EARS2: variants seen among roughly 807,000 people sequenced by gnomAD.
The protein encoded by EARS2 is glutamyl-tRNA synthetase 2, mitochondrial.
Under a neutral mutation model 54.1 loss-of-function variants are expected in EARS2, and 50 were observed. That is an observed-to-expected ratio of 0.92 (90% confidence interval 0.74 to 1.17). The LOEUF is 1.17. Among genes scored for constraint, EARS2 ranks in the 50% most tolerant of loss-of-function variants. The probability of loss-of-function intolerance (pLI) is 0.00; values close to 1 mark genes in which losing one functional copy is unlikely to be tolerated. For synonymous variants in EARS2, 298 were observed against 281.0 expected, an observed-to-expected ratio of 1.06 and a Z score of -0.61; for missense variants, 673 against 675.0, an observed-to-expected ratio of 1.00 and a Z score of 0.03.
At chr16:23,528,031 C>G (rs1004093798) in intron 7 of EARS2, among the ~76,000 whole-genome samples, 2 of 152,124 alleles carry the variant, frequency 1.3e-5, no homozygotes, top group African/African-American at 2.4e-5. Context: ...AAAAGACACC[C>G]CAGAGAGTCC....
At chr16:23,532,454 T>G (rs923258820) in intron 5 of EARS2, 1 of 443,390 alleles carries the variant, frequency 2.3e-6, no homozygotes, top group African/African-American at 2.0e-5. Context: ...TAATACAAGA[T>G]ACTTTCATAG....
intron 2 of EARS2, among the ~76,000 whole-genome samples, chr16:23,547,249 A>T (rs1423143689): frequency 6.6e-6 from 1 of 152,220 alleles, no homozygotes; most frequent in Non-Finnish European, 1.5e-5. Flanking sequence ...CCAGTCACAG[A>T]AGGCCATATA....
rs763838854 is a variant in EARS2 at position 23,552,206 on chromosome 16, G to T, written c.238C>A (p.Gln80Lys). The T allele has an allele frequency of 2.2e-5, 35 of 1,614,082 alleles. No homozygotes were observed. Among genetic ancestry groups the T allele is most frequent in the Non-Finnish European group, 2.9e-5 (34 of 1,180,046 alleles). The change falls in exon 2 of 9, where the codon CAG becomes AAG. Residue 80 changes from glutamine to lysine, a missense_variant. Physicochemically the swap from Gln to Lys is moderately conservative, Grantham distance 53. Around this residue, in one of 3 missense-constraint regions of EARS2, gnomAD observed 316 missense variants for 275.2 expected, o/e 1.15. Transcript: ENST00000449606. ...GCTGCCCCAGGCACAACGCGAGTCTGATCTGTGTCCTCTAGCCTCAGGATG... is the reference window on the plus strand; with the variant it reads ...GCTGCCCCAGGCACAACGCGAGTCTTATCTGTGTCCTCTAGCCTCAGGATG... Reference protein sequence around the residue: ...SFILRLEDTDQTRVVPGAAEN... With the variant: ...SFILRLEDTDKTRVVPGAAEN...
At chr16:23,554,845 G>T in intron 1 of EARS2, among the ~76,000 whole-genome samples, 1 of 152,094 alleles carries the variant, frequency 6.6e-6, no homozygotes, top group East Asian at 1.9e-4. Flanking sequence ...TCTGTCAGAG[G>T]GATTAAGAGC....
At chr16:23,543,602 G>A (rs1018489751) in intron 3 of EARS2, among the ~76,000 whole-genome samples, 3 of 151,428 alleles carry the variant, frequency 2.0e-5, no homozygotes, top group Non-Finnish European at 4.4e-5. Flanking sequence ...GTGTGGTGGC[G>A]GGCACCTGTA....
chr16:23,540,559 C>A (rs1302233147), intron 3 of EARS2, among the ~76,000 whole-genome samples: 1 of 152,242 alleles, frequency 6.6e-6, no homozygotes, highest in African/African-American at 2.4e-5. Flanking sequence ...AGGTATTCAG[C>A]AAACATACTG....
intron 2 of EARS2, among the ~76,000 whole-genome samples, chr16:23,547,681 T>G (rs970255049): frequency 2.5e-4 from 38 of 152,012 alleles, no homozygotes; most frequent in African/African-American, 8.9e-4. Context: ...ATTTTTGTAT[T>G]TTTATTAGAG....
chr16:23,537,103 G>T, intron 3 of EARS2: 1 of 264,896 alleles, frequency 3.8e-6, no homozygotes, highest in Non-Finnish European at 8.3e-6. Flanking sequence ...TCTTCTGGCA[G>T]GAATTCTGAC....
At position 23,521,318 on chromosome 16, in the gene EARS2, T is replaced by C. The variant is rs1965140283; in HGVS notation, c.*3053A>G. 6.6e-6 allele frequency among the ~76,000 whole-genome samples: 1 copy of C among 152,114 alleles called. No homozygotes were observed. The highest frequency in any genetic ancestry group is 2.4e-5 in the African/African-American group (1 of 41,420). On this transcript the variant is annotated 3_prime_UTR_variant, in exon 9 of 9. Coordinates refer to ENST00000449606, the MANE Select transcript of EARS2 (RefSeq NM_001083614.2). ...CCAAGTCTGACAACCACCATCTTAT[T>C]TTCTGCCTGTATAATTTTGATTATT...
chr16:23,540,475 A>C (rs1567385033), intron 3 of EARS2, among the ~76,000 whole-genome samples: 1 of 152,256 alleles, frequency 6.6e-6, no homozygotes, highest in Non-Finnish European at 1.5e-5. Context: ...ATGGGAGTGT[A>C]AACAAGTAAA....
chr16:23,529,630 A>G lies in EARS2; in HGVS notation c.1224T>C (p.Gly408=). The change falls in exon 7 of 9, where the codon GGT becomes GGC. Residue 408 remains glycine, a splice_region_variant and synonymous_variant. Coordinates refer to ENST00000449606, the MANE Select transcript of EARS2 (RefSeq NM_001083614.2). The stretch of plus-strand genomic sequence containing the variant: ...CCAAGTCCTGCAGGCGGCAAATGTG[A>G]CCCTGGGGAAGGAGGCAGTCATTGA... ...YVERILLLRQ[G]HICRLQDLVS... is the part of the protein sequence containing the mutation. The G allele has an allele frequency of 6.2e-7, 1 of 1,613,928 alleles. No homozygotes were observed. Among genetic ancestry groups the G allele is most frequent in the Non-Finnish European group, 8.5e-7 (1 of 1,179,922 alleles).
At chr16:23,551,161 C>T (rs1295923728) in intron 2 of EARS2, among the ~76,000 whole-genome samples, 2 of 152,240 alleles carry the variant, frequency 1.3e-5, no homozygotes, top group African/African-American at 2.4e-5. Context: ...CCAGCATTCC[C>T]GCATGGGCAC....
intron 7 of EARS2, 48 bp from the exon 8 acceptor site, chr16:23,525,427 G>A (rs762496555): frequency 6.4e-7 from 1 of 1,574,680 alleles, no homozygotes; most frequent in South Asian, 1.2e-5. Flanking sequence ...CCAATGGCAA[G>A]TGGGTGGGAG....
intron 7 of EARS2, among the ~76,000 whole-genome samples, chr16:23,526,042 A>C (rs928351708): frequency 1.3e-5 from 2 of 151,486 alleles, no homozygotes. Flanking sequence ...GCACAAGGCT[A>C]TCGTAGAGAG....
chr16:23,545,855 C>T (rs940279665), intron 2 of EARS2, among the ~76,000 whole-genome samples: 1 of 152,076 alleles, frequency 6.6e-6, no homozygotes, highest in African/African-American at 2.4e-5. Flanking sequence ...GCGAGTCTTG[C>T]TGTGTCACTC....
intron 4 of EARS2, among the ~76,000 whole-genome samples, chr16:23,533,243 C>T (rs1965356081): frequency 6.6e-6 from 1 of 152,096 alleles, no homozygotes; most frequent in South Asian, 2.1e-4. Context: ...AAGATTGTGC[C>T]GTTGCACTCC....
Position 23,521,021 on chromosome 16 carries a change from GC to G in EARS2, c.*3349del, listed in dbSNP as rs1196568078. ...TGGCCAGGCTGGTCTTGAACTCCCG[GC>G]CTCAAGTGATCTGCCTGCCTTGGCC... On this transcript the variant is annotated 3_prime_UTR_variant, in exon 9 of 9. Transcript: ENST00000449606. Among the ~76,000 whole-genome samples the G allele has an allele frequency of 1.3e-5, 2 of 152,072 alleles. No homozygotes were observed. The highest frequency in any genetic ancestry group is 2.9e-5 in the Non-Finnish European group (2 of 68,010).
At chr16:23,532,594 G>A (rs1965344128) in intron 5 of EARS2, 63 bp downstream of exon 5, 2 of 1,244,408 alleles carry the variant, frequency 1.6e-6, no homozygotes, top group Non-Finnish European at 1.2e-6. Flanking sequence ...ACCCTCTGCT[G>A]TAGGGATCAT....
chr16:23,525,793 C>T (rs948418258), intron 7 of EARS2, among the ~76,000 whole-genome samples: 2 of 151,904 alleles, frequency 1.3e-5, no homozygotes, highest in South Asian at 4.2e-4. Flanking sequence ...GTCAGGTGTT[C>T]GAGACCAACC....
Sources: gnomAD v4.1 joint callset for allele counts (sites outside exome capture counted in the v4.1 genomes callset) on GRCh38, gnomAD v4.1.1 for gene constraint, gnomAD v4.1.1 regional missense constraint, MANE v1.5 for transcripts, NCBI Gene and HGNC (gene_info 2026-07-23, HGNC 2026-07-21) for gene names.